The following SRCAP variants were observed in gnomAD, a reference collection of about 807,000 sequenced individuals.
SRCAP encodes the protein chromatin remodeling protein SRCAP.
In SRCAP, 46 loss-of-function variants were observed where a neutral mutation model predicts 263.1. The ratio of observed to expected loss-of-function variants is 0.17; its 90% CI spans 0.14 to 0.22. The LOEUF (loss-of-function observed/expected upper bound fraction) is 0.22, where lower values mean the gene tolerates loss of function less well. SRCAP is among the 10% of genes least tolerant of loss of function. The probability of loss-of-function intolerance (pLI) is 1.00; values close to 1 mark genes in which losing one functional copy is unlikely to be tolerated. For synonymous variants in SRCAP, 1,813 were observed against 1,662.1 expected, an observed-to-expected ratio of 1.09 and a Z score of -2.21; for missense variants, 3,695 against 4,181.9, an observed-to-expected ratio of 0.88 and a Z score of 3.21.
intron 25 of SRCAP, chr16:30,725,449 C>G: frequency 5.4e-6 from 1 of 186,348 alleles, no homozygotes; most frequent in Non-Finnish European, 1.1e-5. Flanking sequence ...CTGTGTAGTA[C>G]TTGAGTTAAA....
rs1003426032 is a variant in SRCAP, at chr16:30,738,861, C to T, written c.8821C>T (p.Arg2941Ter). ...LSPVEKRRRG[R>*]PPKARDLPIP... Reference sequence around the variant, plus strand: ...ACCTGTGGAGAAAAGAAGGCGAGGACGACCCCCTAAAGCACGAGATTTGCC... The same window carrying T: ...ACCTGTGGAGAAAAGAAGGCGAGGATGACCCCCTAAAGCACGAGATTTGCC... The change falls in exon 34 of 34, where the codon CGA becomes TGA. Residue 2941 changes from arginine (R) to a stop codon, truncating the protein, a stop_gained. Transcript: ENST00000262518. LOFTEE classifies it high-confidence loss of function. 6.2e-7 allele frequency: 1 copy of T among 1,614,156 alleles called. No individual in the cohort carries two copies. Among genetic ancestry groups the T allele is most frequent in the Non-Finnish European group, 8.5e-7 (1 of 1,180,026 alleles).
At position 30,733,490 on chromosome 16, in the gene SRCAP, TTCTC is replaced by T; in HGVS notation, c.6297+46_6297+49del. On this transcript the variant is annotated intron_variant, in intron 28 of 33. Transcript: ENST00000262518. The surrounding 1 kb of genome is among the most constrained non-coding windows in gnomAD (Gnocchi z 5.3). ...GCAGCTCTTAGAGGCTCACCTCCGC[TTCTC>T]TCTCCTTTTCCCAGGATTTGGGCTT... 2.5e-6 allele frequency: 4 copies of T among 1,611,598 alleles called. No homozygotes were observed. Among genetic ancestry groups the T allele is most frequent in the South Asian group, 1.1e-5 (1 of 90,922 alleles).
In SRCAP at chr16:30,737,279, T is replaced by G; in HGVS notation, c.7239T>G (p.Pro2413=). Residue 2413 remains proline, a synonymous_variant, in exon 34 of 34, where the codon CCT becomes CCG. Coordinates refer to ENST00000262518, the MANE Select transcript of SRCAP (RefSeq NM_006662.3). ...AGACTCAAGGGGCAAACCACACTCC[T>G]GTCATATCCGCCCATCAAACTCGCA... ...RAETQGANHT[P]VISAHQTRST... The G allele has an allele frequency of 6.2e-7, 1 of 1,613,976 alleles. No homozygotes were observed.
rs570036862 is a variant in SRCAP at position 30,724,328 on chromosome 16, C to T, written c.4904C>T (p.Ser1635Leu). The T allele has an allele frequency of 4.3e-5, 70 of 1,614,136 alleles. No individual in the cohort carries two copies. The East Asian group carries it at 5.1e-4, about 12-fold the overall frequency. ...ACTCCGGTTCCAGTTATGGCTCCAT[C>T]GTCTACTCCAGGAACCTCTTTAGCC... ...SQTPVPVMAP[S>L]STPGTSLASA... Residue 1635 changes from serine to leucine, a missense_variant, in exon 25 of 34, where the codon TCG (serine) becomes TTG (leucine). By Grantham distance (145) the Ser-to-Leu change is moderately radical. Around this residue, in one of 12 missense-constraint regions of SRCAP, gnomAD observed 1,347 missense variants for 1,304.4 expected, o/e 1.03. Coordinates refer to ENST00000262518, the MANE Select transcript of SRCAP (RefSeq NM_006662.3).
rs1044815056 is a variant in SRCAP at position 30,721,399 on chromosome 16, C to T, written c.3464C>T (p.Thr1155Ile). 24 of 1,613,774 alleles carry T rather than the reference C, an allele frequency of 1.5e-5. No homozygotes were observed. The highest frequency in any genetic ancestry group is 2.0e-5 in the Non-Finnish European group (24 of 1,180,058). The change falls in exon 21 of 34, where the codon ACC becomes ATC. Residue 1155 changes from threonine (T) to isoleucine (I), a missense_variant. This residue lies in a region of SRCAP where 1,347 missense variants were observed against 1,304.4 expected (regional missense o/e 1.03). Coordinates refer to ENST00000262518, the MANE Select transcript of SRCAP (RefSeq NM_006662.3). The stretch of plus-strand genomic sequence containing the variant: ...ACTTCTACCACCACGGCAACTGCTA[C>T]CACCACAGCAGTGCCAGCTCCGACT... ...TTTSTTTATA[T>I]TTAVPAPTPA...
intron 32 of SRCAP, 71 bp downstream of exon 32, chr16:30,736,465 C>G: frequency 6.2e-7 from 1 of 1,609,978 alleles, no homozygotes; most frequent in Non-Finnish European, 8.5e-7. Context: ...TTTGTCTTCC[C>G]TGGTGGGAAT....
rs757626317 is a variant in SRCAP, at chr16:30,724,640, C to G, written c.5216C>G (p.Pro1739Arg). ...AQTLSLAPGP[P>R]LGPTQTLSLA... Reference sequence around the variant, plus strand: ...ACACTGTCTTTGGCACCAGGACCACCACTGGGTCCAACTCAGACGCTGTCT... The same window carrying G: ...ACACTGTCTTTGGCACCAGGACCACGACTGGGTCCAACTCAGACGCTGTCT... Residue 1739 changes from proline (P) to arginine (R), a missense_variant, in exon 25 of 34, where the codon CCA (proline) becomes CGA (arginine). Coordinates refer to ENST00000262518, the MANE Select transcript of SRCAP (RefSeq NM_006662.3). 4.3e-6 allele frequency: 7 copies of G among 1,614,182 alleles called. No homozygotes were observed. The highest frequency in any genetic ancestry group is 5.1e-6 in the Non-Finnish European group (6 of 1,180,032).
chr16:30,736,093 A>G, intron 31 of SRCAP, 107 bp from the exon 32 acceptor site: 1 of 1,377,790 alleles, frequency 7.3e-7, no homozygotes, highest in Non-Finnish European at 9.9e-7. Flanking sequence ...TTCTGTTGCA[A>G]ACCTAGTTTG....
intron 25 of SRCAP, chr16:30,726,230 T>G (rs973790201): frequency 1.3e-5 from 2 of 152,202 alleles, no homozygotes; most frequent in African/African-American, 4.8e-5. Flanking sequence ...TTATGTTGAA[T>G]AATAATGTAT....
chr16:30,717,209 T>C (rs1056331056), intron 18 of SRCAP, among the ~76,000 whole-genome samples: 3 of 152,140 alleles, frequency 2.0e-5, no homozygotes, highest in African/African-American at 4.8e-5. Context: ...TAGTGATGAG[T>C]GCTGTCAAGG....
chr16:30,739,221 C>T lies in SRCAP; in HGVS notation c.9181C>T (p.Arg3061Cys), dbSNP rs745519531. ...EGSSSDEDGS[R>C]PLTRLARLRL... ...TAGTTCCTCTGATGAGGATGGAAGC[C>T]GCCCCCTCACCCGCCTGGCCCGCCT... Residue 3061 changes from arginine (R) to cysteine (C), a missense_variant, in exon 34 of 34, where the codon CGC becomes TGC. Coordinates refer to ENST00000262518, the MANE Select transcript of SRCAP (RefSeq NM_006662.3). 8.7e-6 allele frequency: 14 copies of T among 1,613,554 alleles called. No individual in the cohort carries two copies. Among genetic ancestry groups the T allele is most frequent in the Admixed American group, 5.0e-5 (3 of 60,024 alleles).
Position 30,707,667 on chromosome 16 carries a change from C to T in SRCAP, c.588C>T (p.Ser196=), listed in dbSNP as rs769983508. 1.2e-6 allele frequency: 2 copies of T among 1,614,156 alleles called. No individual in the cohort carries two copies. The highest frequency in any genetic ancestry group is 1.7e-6 in the Non-Finnish European group (2 of 1,180,038). ...EEQAKLRRIA[S]TMAKDVRQFW... The stretch of plus-strand genomic sequence containing the variant: ...AGGCCAAGCTGCGTCGAATTGCTTC[C>T]ACCATGGCCAAGGATGTCAGGCAGT... The change falls in exon 6 of 34, where the codon TCC becomes TCT. Residue 196 remains serine (S), a synonymous_variant. Transcript: ENST00000262518.
At chr16:30,716,565 C>G (rs1243416623) in intron 18 of SRCAP, 86 bp downstream of exon 18, 10 of 1,219,616 alleles carry the variant, frequency 8.2e-6, no homozygotes, top group Non-Finnish European at 1.2e-5. Flanking sequence ...TGGGGTCTGA[C>G]TTTTGCATCC....
At chr16:30,732,734 T>C (rs1399703385) in intron 27 of SRCAP, among the ~76,000 whole-genome samples, 1 of 152,360 alleles carries the variant, frequency 6.6e-6, no homozygotes, top group South Asian at 2.1e-4. Flanking sequence ...CTCGATGTTA[T>C]GTATTCCCCT....
At chr16:30,722,831 C>G in intron 23 of SRCAP, 83 bp downstream of exon 23, 1 of 1,549,122 alleles carries the variant, frequency 6.5e-7, no homozygotes, top group Admixed American at 1.9e-5. Context: ...GTCCAGCCTT[C>G]CCTCAGTGTT....
chr16:30,712,196 A>T (rs769395735), intron 12 of SRCAP, 39 bp downstream of exon 12: 9 of 1,603,970 alleles, frequency 5.6e-6, no homozygotes, highest in Non-Finnish European at 7.7e-6. Context: ...TCATGTCTTG[A>T]CTTTCTCATG....
chr16:30,701,003 GGCTGTA>G (rs1231430813), intron 3 of SRCAP, 125 bp downstream of exon 3: 10 of 884,332 alleles, frequency 1.1e-5, no homozygotes, highest in Non-Finnish European at 1.6e-5. Flanking sequence ...TCGGGGGCTG[GGCTGTA>G]GTATATCAGG....
In SRCAP at chr16:30,736,297, G is replaced by T. The variant is rs141357480; in HGVS notation, c.6827G>T (p.Gly2276Val). ...CTTGCAGAATTTAATGAGAACGATG[G>T]GTTTCCTGCTGGTGAGGGAGAGGAA... Reference protein sequence around the residue: ...AELAEFNENDGFPAGEGEEAG... With the variant: ...AELAEFNENDVFPAGEGEEAG... The change falls in exon 32 of 34, where the codon GGG (glycine) becomes GTG (valine). Residue 2276 changes from glycine to valine, a missense_variant. Gly to Val is a moderately radical substitution (Grantham distance 109, BLOSUM62 -3). Coordinates refer to ENST00000262518, the MANE Select transcript of SRCAP (RefSeq NM_006662.3). 16 of 1,614,034 alleles carry T rather than the reference G, an allele frequency of 9.9e-6. No individual in the cohort carries two copies. In the East Asian group the frequency reaches 3.6e-4, roughly 36 times the overall value.
At chr16:30,717,501 C>T (rs2052962875) in intron 18 of SRCAP, among the ~76,000 whole-genome samples, 1 of 150,592 alleles carries the variant, frequency 6.6e-6, no homozygotes, top group Admixed American at 6.6e-5. Context: ...GGCTAGAGTT[C>T]AGTGGTATGA....
Sources: gnomAD v4.1 joint callset for allele counts (sites outside exome capture counted in the v4.1 genomes callset) on GRCh38, gnomAD v4.1.1 for gene constraint, gnomAD v4.1.1 regional missense constraint, Gnocchi (gnomAD v3.1) non-coding constraint, MANE v1.5 for transcripts, NCBI Gene and HGNC (gene_info 2026-07-23, HGNC 2026-07-21) for gene names.